The following TULP4 variants were observed in gnomAD, a reference collection of about 807,000 sequenced individuals.
TULP4 encodes the protein TUB like protein 4.
TULP4 carries 16 observed loss-of-function variants against 129.0 expected under a neutral mutation model. The observed-to-expected ratio is 0.12, with a 90% CI of 0.08 to 0.19. The LOEUF (loss-of-function observed/expected upper bound fraction) is 0.19, where lower values mean the gene tolerates loss of function less well. Among genes scored for constraint, TULP4 ranks in the 10% least tolerant of loss-of-function variants. TULP4 has a pLI of 1.00. For missense variants in TULP4, 1,842 were observed against 2,059.1 expected (o/e 0.89, Z 2.04); for synonymous variants, 998 against 854.0 (o/e 1.17, Z -2.94).
At chr6:158,369,211 G>T (rs1041911066) in intron 1 of TULP4, among the ~76,000 whole-genome samples, 1 of 152,188 alleles carries the variant, frequency 6.6e-6, no homozygotes, top group Admixed American at 6.5e-5. Flanking sequence ...TGCTTTGAGT[G>T]ACTGGGCTCA....
chr6:158,350,380 G>A (rs957612870), intron 1 of TULP4, among the ~76,000 whole-genome samples: 7 of 152,044 alleles, frequency 4.6e-5, no homozygotes. Context: ...GCAGGCGGCT[G>A]GGAGGGGGAG....
chr6:158,351,630 C>A (rs1197991830), intron 1 of TULP4, among the ~76,000 whole-genome samples: 1 of 149,108 alleles, frequency 6.7e-6, no homozygotes, highest in African/African-American at 2.5e-5. Context: ...TTATGTAACT[C>A]AGGGATTGTC....
At chr6:158,259,279 T>G (rs761501588) in intron 1 of TULP4, among the ~76,000 whole-genome samples, 1 of 152,218 alleles carries the variant, frequency 6.6e-6, no homozygotes, top group Non-Finnish European at 1.5e-5. Context: ...CTTAAATTAG[T>G]GTGTGCCAGT....
At chr6:158,375,908 C>T (rs1186552930) in intron 1 of TULP4, among the ~76,000 whole-genome samples, 1 of 152,102 alleles carries the variant, frequency 6.6e-6, no homozygotes, top group Non-Finnish European at 1.5e-5. Context: ...TGGGCAGGAA[C>T]AAGGGAGATC....
intron 5 of TULP4, among the ~76,000 whole-genome samples, chr6:158,454,016 G>A (rs1200345847): frequency 1.5e-5 from 1 of 67,874 alleles, no homozygotes; most frequent in Non-Finnish European, 2.6e-5. Context: ...ACCTGCCTCT[G>A]CACCGCCCCC....
At position 158,237,542 on chromosome 6, in the gene TULP4, C is replaced by G. The variant is rs891702504; in HGVS notation, n.68+5239C>G. ...TCAGATGAAGCTCCTGCAGTTGCTCCCTGGGTCCCTTTTCCCATCTGATCC... is the reference window on the plus strand; with the variant it reads ...TCAGATGAAGCTCCTGCAGTTGCTCGCTGGGTCCCTTTTCCCATCTGATCC... On this transcript the variant is annotated intron_variant and non_coding_transcript_variant, in intron 1 of 1. Transcript: ENST00000620026. The G allele has an allele frequency of 4.5e-6, 7 of 1,556,390 alleles. No homozygotes were observed. In the African/African-American group the frequency reaches 8.2e-5, roughly 18 times the overall value.
chr6:158,425,596 G>C (rs1343892245), intron 2 of TULP4, among the ~76,000 whole-genome samples: 1 of 149,696 alleles, frequency 6.7e-6, no homozygotes, highest in Admixed American at 6.7e-5. Context: ...TCTGTTTTAG[G>C]TTTTTTTTTG....
intron 1 of TULP4, among the ~76,000 whole-genome samples, chr6:158,318,899 ATT>A (rs56898948): frequency 2.2e-5 from 3 of 136,956 alleles, no homozygotes; most frequent in African/African-American, 5.6e-5. Context: ...CTAGTTACAA[ATT>A]TTTTTTTTTT....
At chr6:158,312,273 T>G, upstream of TULP4, 1 of 396,690 alleles carries the variant, frequency 2.5e-6, no homozygotes, top group Non-Finnish European at 4.4e-6. Flanking sequence ...ATGGAGCAAC[T>G]TGACACCAGT....
At chr6:158,242,286 T>C (rs938134744) in intron 1 of TULP4, 2 of 1,462,234 alleles carry the variant, frequency 1.4e-6, no homozygotes, top group Non-Finnish European at 1.9e-6. Flanking sequence ...ATGCAGTGTT[T>C]AGCACAGCTC....
At chr6:158,485,129 CTG>C (rs1324866386) in intron 8 of TULP4, among the ~76,000 whole-genome samples, 10 of 152,146 alleles carry the variant, frequency 6.6e-5, no homozygotes, top group African/African-American at 1.9e-4. Flanking sequence ...TTTGAGTAAA[CTG>C]TGTTTACTGT....
chr6:158,502,675 C>T lies in TULP4; in HGVS notation c.3012C>T (p.Ser1004=). The T allele has an allele frequency of 3.2e-6, 5 of 1,557,964 alleles. No homozygotes were observed. The highest frequency in any genetic ancestry group is 4.3e-6 in the Non-Finnish European group (5 of 1,156,996). Residue 1004 remains serine, a synonymous_variant, in exon 13 of 14, where the codon AGC becomes AGT. Coordinates refer to ENST00000367097, the MANE Select transcript of TULP4 (RefSeq NM_020245.5). ...ATLKMAQLAD[S]PRAPLQPLAK... ...TCAAGATGGCCCAGCTGGCCGACAGCCCGCGGGCCCCCCTGCAGCCCCTGG... is the reference window on the plus strand; with the variant it reads ...TCAAGATGGCCCAGCTGGCCGACAGTCCGCGGGCCCCCCTGCAGCCCCTGG...
At chr6:158,415,873 G>A (rs749426461) in intron 2 of TULP4, among the ~76,000 whole-genome samples, 4 of 152,138 alleles carry the variant, frequency 2.6e-5, no homozygotes, top group African/African-American at 4.8e-5. Context: ...ACACGATCAC[G>A]AGGTAAAATC....
At position 158,344,163 on chromosome 6, in the gene TULP4, C is replaced by T. The variant is rs143892950; in HGVS notation, c.252+29895C>T. Reference sequence around the variant, plus strand: ...AGAATGTTCTTTGTGAGATCCACCCCCTGCCCGCAAAACATTGCTCCTAAC... The same window carrying T: ...AGAATGTTCTTTGTGAGATCCACCCTCTGCCCGCAAAACATTGCTCCTAAC... On this transcript the variant is annotated intron_variant, in intron 1 of 13. Coordinates refer to ENST00000367097, the MANE Select transcript of TULP4 (RefSeq NM_020245.5). 5.3e-5 allele frequency among the ~76,000 whole-genome samples: 8 copies of T among 152,332 alleles called. No individual in the cohort carries two copies. The Middle Eastern group carries it at 0.01, about 194-fold the overall frequency.
At chr6:158,470,563 G>T (rs1779655362) in intron 6 of TULP4, among the ~76,000 whole-genome samples, 1 of 152,238 alleles carries the variant, frequency 6.6e-6, no homozygotes, top group African/African-American at 2.4e-5. Context: ...TCTGTTTAAA[G>T]GTGGATGCGG....
intron 1 of TULP4, among the ~76,000 whole-genome samples, chr6:158,290,812 TC>T (rs898305382): frequency 6.6e-6 from 1 of 151,968 alleles, no homozygotes; most frequent in Non-Finnish European, 1.5e-5. Context: ...TTTTCTACCT[TC>T]CCCCCCACAT....
At chr6:158,485,817 C>CA (rs1221205257) in intron 8 of TULP4, among the ~76,000 whole-genome samples, 3 of 152,230 alleles carry the variant, frequency 2.0e-5, no homozygotes, top group Non-Finnish European at 4.4e-5. Context: ...TGGAACCTGT[C>CA]ACCACTTTCG....
chr6:158,452,941 C>T (rs758950841), intron 5 of TULP4, among the ~76,000 whole-genome samples: 3 of 152,144 alleles, frequency 2.0e-5, no homozygotes, highest in Non-Finnish European at 2.9e-5. Flanking sequence ...AACAATCTGT[C>T]TCTTCAGGGT....
intron 1 of TULP4, among the ~76,000 whole-genome samples, chr6:158,239,689 C>T (rs1583664880): frequency 4.6e-5 from 3 of 65,550 alleles, no homozygotes; most frequent in East Asian, 6.9e-4. Flanking sequence ...GGCAGAGGGG[C>T]TCCTCACTTC....
Sources: allele counts gnomAD v4.1 joint callset (sites outside exome capture counted in the v4.1 genomes callset), GRCh38; gene constraint gnomAD v4.1.1; transcripts MANE v1.5; gene names NCBI Gene and HGNC (gene_info 2026-07-23, HGNC 2026-07-21).